The following SCRG1 variants were observed in gnomAD, a reference collection of about 807,000 sequenced individuals.
SCRG1 encodes the protein stimulator of chondrogenesis 1.
A neutral mutation model predicts 7.7 loss-of-function variants in SCRG1; 3 were observed. The observed-to-expected ratio is 0.39, with a 90% CI of 0.18 to 1.01. The LOEUF (loss-of-function observed/expected upper bound fraction) is 1.01, where lower values mean the gene tolerates loss of function less well. Among genes scored for constraint, SCRG1 ranks in the 50% least tolerant of loss-of-function variants. The pLI, the probability that SCRG1 is intolerant of heterozygous loss-of-function variation, is 0.36. For synonymous variants in SCRG1, 46 were observed against 41.2 expected (o/e 1.12, Z -0.44); for missense variants, 110 against 117.2 (o/e 0.94, Z 0.28).
At chr4:173,489,704 G>A in the SCRG1 span, among the ~76,000 whole-genome samples, 7 of 152,100 alleles carry the variant, frequency 4.6e-5, no homozygotes, top group Non-Finnish European at 1.0e-4. Context: ...AATTTTAAAT[G>A]TCAAACTAGA....
At chr4:173,499,864 A>G in the SCRG1 span, among the ~76,000 whole-genome samples, 7 of 152,250 alleles carry the variant, frequency 4.6e-5, no homozygotes, top group African/African-American at 1.7e-4. The surrounding 1 kb of genome is among the most constrained non-coding windows in gnomAD (Gnocchi z 4.1). Flanking sequence ...ATGTTTTGGC[A>G]GGCCAGGCCT....
chr4:173,469,364 A>G, the SCRG1 span: 5 of 152,154 alleles, frequency 3.3e-5, no homozygotes, highest in Non-Finnish European at 7.3e-5. Context: ...AATATAAAAT[A>G]AATGTAGAAT....
At chr4:173,434,275 G>A in the SCRG1 span, among the ~76,000 whole-genome samples, 1 of 152,182 alleles carries the variant, frequency 6.6e-6, no homozygotes, top group Non-Finnish European at 1.5e-5. Flanking sequence ...TGAGATAATA[G>A]GATATGATCT....
the SCRG1 span, chr4:173,446,582 A>G: frequency 6.6e-6 from 1 of 152,218 alleles, no homozygotes; most frequent in Non-Finnish European, 1.5e-5. Context: ...TTCCATACCC[A>G]TAAACATTAG....
chr4:173,401,120 A>C (rs1003437254), upstream of SCRG1, among the ~76,000 whole-genome samples: 2 of 152,200 alleles, frequency 1.3e-5, no homozygotes, highest in Non-Finnish European at 2.9e-5. Flanking sequence ...ATACAACCAG[A>C]AGCAGTTCCA....
chr4:173,420,015 T>G, the SCRG1 span: 4 of 670,752 alleles, frequency 6.0e-6, no homozygotes, highest in Non-Finnish European at 1.1e-5. Flanking sequence ...TGTATTTATT[T>G]TTATACTGTA....
At chr4:173,396,469 G>GT (rs1304253335) in intron 1 of SCRG1, among the ~76,000 whole-genome samples, 4 of 152,210 alleles carry the variant, frequency 2.6e-5, no homozygotes, top group Admixed American at 6.5e-5. Flanking sequence ...AGCAAGGACT[G>GT]TAACTTCTAC....
chr4:173,415,649 A>G, the SCRG1 span, among the ~76,000 whole-genome samples: 1 of 152,212 alleles, frequency 6.6e-6, no homozygotes, highest in Non-Finnish European at 1.5e-5. Context: ...AATCTGTGAC[A>G]TTGGTATTAC....
the SCRG1 span, among the ~76,000 whole-genome samples, chr4:173,506,200 C>G: frequency 6.6e-6 from 1 of 152,222 alleles, no homozygotes; most frequent in Non-Finnish European, 1.5e-5. This position sits in a 1 kb window ranked among gnomAD's most constrained non-coding sequence, Gnocchi z 5.3. Flanking sequence ...GTCATGGTAA[C>G]TTTGACTTTC....
the SCRG1 span, among the ~76,000 whole-genome samples, chr4:173,492,792 A>G: frequency 6.6e-6 from 1 of 152,124 alleles, no homozygotes; most frequent in South Asian, 2.1e-4. Context: ...CTGCCTTTCA[A>G]ATCCTACGTG....
Position 173,391,275 on chromosome 4 carries a change from T to G in SCRG1, c.140A>C (p.Asp47Ala), listed in dbSNP as rs1357141828. The G allele has an allele frequency of 9.9e-6, 16 of 1,614,048 alleles. No individual in the cohort carries two copies. The highest frequency in any genetic ancestry group is 1.3e-5 in the Non-Finnish European group (15 of 1,180,024). Residue 47 changes from aspartate to alanine, a missense_variant, in exon 2 of 3, where the codon GAC (aspartate) becomes GCC (alanine). Coordinates refer to ENST00000296506, the MANE Select transcript of SCRG1 (RefSeq NM_007281.4). ...NCHNLPEGVADLTQIDVNVQD... is the reference protein window; with the variant it reads ...NCHNLPEGVAALTQIDVNVQD... ...GACATTGACATCAATCTGTGTCAGG[T>G]CAGCTACTCCTTCCGGAAGGTTGTG...
At chr4:173,423,654 ATC>A in the SCRG1 span, among the ~76,000 whole-genome samples, 2 of 151,162 alleles carry the variant, frequency 1.3e-5, no homozygotes, top group South Asian at 4.2e-4. Flanking sequence ...TTGGTCTTTT[ATC>A]TCTTTTTTTT....
the SCRG1 span, among the ~76,000 whole-genome samples, chr4:173,487,881 T>A: frequency 6.6e-6 from 1 of 151,946 alleles, no homozygotes; most frequent in Non-Finnish European, 1.5e-5. Flanking sequence ...GGTGGGCAGA[T>A]CACTGAGTTC....
the SCRG1 span, among the ~76,000 whole-genome samples, chr4:173,474,173 GAA>G: frequency 2.0e-5 from 3 of 148,296 alleles, no homozygotes; most frequent in Admixed American, 6.7e-5. Flanking sequence ...TCCATCTCAA[GAA>G]AAAAAAAAGT....
the SCRG1 span, among the ~76,000 whole-genome samples, chr4:173,451,320 G>A: frequency 2.0e-5 from 3 of 151,198 alleles, no homozygotes; most frequent in Admixed American, 2.0e-4. Context: ...ATTGAACCAG[G>A]AGCACCTAAG....
chr4:173,416,523 T>G, the SCRG1 span, among the ~76,000 whole-genome samples: 2 of 152,180 alleles, frequency 1.3e-5, no homozygotes, highest in Non-Finnish European at 2.9e-5. Flanking sequence ...GAGACTGAGG[T>G]GGGAGGATCG....
chr4:173,483,826 T>TG, the SCRG1 span, among the ~76,000 whole-genome samples: 2 of 93,804 alleles, frequency 2.1e-5, no homozygotes, highest in African/African-American at 1.1e-4. Flanking sequence ...ATATATAATA[T>TG]ATATAATATA....
At chr4:173,406,746 C>T (rs1181461481), upstream of SCRG1, among the ~76,000 whole-genome samples, 2 of 152,158 alleles carry the variant, frequency 1.3e-5, no homozygotes, top group Middle Eastern at 3.2e-3. Flanking sequence ...CCATTACATA[C>T]TGGCTTTTTT....
the SCRG1 span, among the ~76,000 whole-genome samples, chr4:173,430,626 G>A: frequency 7.9e-5 from 12 of 151,986 alleles, no homozygotes. Context: ...TGTAGAGACA[G>A]CAACATGCTG....
Sources: allele counts gnomAD v4.1 joint callset (sites outside exome capture counted in the v4.1 genomes callset), GRCh38; gene constraint gnomAD v4.1.1; non-coding constraint Gnocchi (gnomAD v3.1); transcripts MANE v1.5; gene names NCBI Gene and HGNC (gene_info 2026-07-23, HGNC 2026-07-21).